The following AVEN variants were observed in gnomAD, a reference collection of about 807,000 sequenced individuals.
AVEN encodes the protein cell death regulator Aven.
Under a neutral mutation model 38.1 loss-of-function variants are expected in AVEN, and 41 were observed. The ratio of observed to expected loss-of-function variants is 1.08; its 90% CI spans 0.84 to 1.40. AVEN has a LOEUF of 1.40. Among genes scored for constraint, AVEN ranks in the 40% most tolerant of loss-of-function variants. The pLI, the probability that AVEN is intolerant of heterozygous loss-of-function variation, is 0.00. For missense variants in AVEN, 605 were observed against 438.8 expected (o/e 1.38, Z -3.38); for synonymous variants, 206 against 171.8 (o/e 1.20, Z -1.56).
At chr15:33,860,998 A>C in intron 11 of AVEN, 1 of 1,105,762 alleles carries the variant, frequency 9.0e-7, no homozygotes, top group East Asian at 2.6e-5. Flanking sequence ...ATTATCCTTC[A>C]ATTCGATAGA....
chr15:34,040,861 A>G (rs1439957233), upstream of AVEN, among the ~76,000 whole-genome samples: 3 of 151,340 alleles, frequency 2.0e-5, no homozygotes, highest in Admixed American at 6.6e-5. Flanking sequence ...GGCTGTAGTG[A>G]GCTGTGATTG....
chr15:33,900,050 A>G (rs117930385), intron 2 of AVEN, among the ~76,000 whole-genome samples: 4,966 of 152,178 alleles, frequency 0.033, 160 homozygotes, highest in Non-Finnish European at 0.039. Context: ...CAAGGTCACA[A>G]TTATCGCATG....
At chr15:34,029,420 C>T (rs1330381252) in intron 1 of AVEN, among the ~76,000 whole-genome samples, 3 of 150,708 alleles carry the variant, frequency 2.0e-5, no homozygotes, top group African/African-American at 7.3e-5. Flanking sequence ...GTGGCTCATG[C>T]CTGTAATCCC....
chr15:33,932,027 A>G (rs963949211), intron 2 of AVEN, among the ~76,000 whole-genome samples: 1 of 152,208 alleles, frequency 6.6e-6, no homozygotes, highest in African/African-American at 2.4e-5. Context: ...CCAGCATTCT[A>G]TAAGGCTGGT....
exon 12 of AVEN, chr15:33,858,978 CT>C (rs1421781080): frequency 6.5e-6 from 1 of 152,690 alleles, no homozygotes; most frequent in Admixed American, 6.5e-5. Flanking sequence ...CAGGCTGCCC[CT>C]GGCTTTTGAT....
chr15:33,910,714 G>C (rs1002339190), intron 2 of AVEN, among the ~76,000 whole-genome samples: 1 of 152,174 alleles, frequency 6.6e-6, no homozygotes, highest in African/African-American at 2.4e-5. Flanking sequence ...GGAATAACAG[G>C]AACATTCTGC....
chr15:33,950,622 G>C (rs1462599619), intron 2 of AVEN, among the ~76,000 whole-genome samples: 1 of 152,090 alleles, frequency 6.6e-6, no homozygotes, highest in Non-Finnish European at 1.5e-5. Context: ...AGCACCAAAG[G>C]CTTTATAAAG....
At chr15:33,954,746 T>C (rs1241836195) in intron 2 of AVEN, among the ~76,000 whole-genome samples, 1 of 152,152 alleles carries the variant, frequency 6.6e-6, no homozygotes, top group Non-Finnish European at 1.5e-5. Context: ...GGCACATGTA[T>C]ACATATGTAA....
intron 2 of AVEN, among the ~76,000 whole-genome samples, chr15:33,982,463 A>G (rs1896194739): frequency 6.6e-6 from 1 of 152,200 alleles, no homozygotes; most frequent in South Asian, 2.1e-4. Flanking sequence ...CTACTAAAAT[A>G]TTTTCTGGAG....
At chr15:33,935,348 AAT>A (rs1462682955) in intron 2 of AVEN, among the ~76,000 whole-genome samples, 1 of 152,202 alleles carries the variant, frequency 6.6e-6, no homozygotes, top group East Asian at 1.9e-4. Context: ...CAATTATTGC[AAT>A]AGTCCCAAAC....
exon 1 of AVEN, among the ~76,000 whole-genome samples, chr15:34,074,806 CATA>C (rs1027931636): frequency 6.6e-6 from 1 of 152,106 alleles, no homozygotes; most frequent in African/African-American, 2.4e-5. Context: ...CAATTCAATC[CATA>C]ATAATAACCA....
At chr15:33,875,220 G>C (rs1369090080) in intron 3 of AVEN, among the ~76,000 whole-genome samples, 1 of 152,154 alleles carries the variant, frequency 6.6e-6, no homozygotes, top group Non-Finnish European at 1.5e-5. Context: ...TCTGAAGCTG[G>C]GGGCAGATGG....
At chr15:33,943,662 T>C (rs1274721930) in intron 2 of AVEN, among the ~76,000 whole-genome samples, 10 of 151,666 alleles carry the variant, frequency 6.6e-5, no homozygotes, top group Admixed American at 6.6e-4. Context: ...ATGGTGAAAC[T>C]AAAATACAAA....
At chr15:33,933,804 C>T (rs1317519736) in intron 2 of AVEN, among the ~76,000 whole-genome samples, 1 of 151,958 alleles carries the variant, frequency 6.6e-6, no homozygotes, top group Non-Finnish European at 1.5e-5. Flanking sequence ...GCTAAAAATA[C>T]AAAAATTAGC....
chr15:34,012,341 A>G (rs1408959992), intron 1 of AVEN, among the ~76,000 whole-genome samples: 2 of 152,212 alleles, frequency 1.3e-5, no homozygotes, highest in Non-Finnish European at 2.9e-5. Context: ...CCTTTGTTAA[A>G]TCATATGATT....
rs372221789 is a variant in AVEN, at chr15:33,867,502, C to G, written c.966G>C (p.Glu322Asp). The G allele has an allele frequency of 5.2e-5, 82 of 1,573,654 alleles. No individual in the cohort carries two copies. Among genetic ancestry groups the G allele is most frequent in the Non-Finnish European group, 6.9e-5 (80 of 1,163,978 alleles). ...KSKEDGEVVQEEEVCAKPSVT... is the reference protein window; with the variant it reads ...KSKEDGEVVQDEEVCAKPSVT... Reference sequence around the variant, plus strand: ...ATAAAATGAAAGCCATACCTTCTTCCTCTTGGACCACCTCCCCATCTTCCT... The same window carrying G: ...ATAAAATGAAAGCCATACCTTCTTCGTCTTGGACCACCTCCCCATCTTCCT... The change falls in exon 5 of 6, where the codon GAG (glutamate) becomes GAC (aspartate). Residue 322 changes from glutamate (E) to aspartate (D), a missense_variant. Glu to Asp is a conservative substitution (Grantham distance 45). Transcript: ENST00000306730.
chr15:33,964,870 C>T (rs1197028979), intron 2 of AVEN, among the ~76,000 whole-genome samples: 4 of 152,210 alleles, frequency 2.6e-5, no homozygotes, highest in East Asian at 1.9e-4. Flanking sequence ...GCTGGAGAGA[C>T]GCCACTCTTT....
intron 2 of AVEN, among the ~76,000 whole-genome samples, chr15:33,952,441 G>T (rs1208274625): frequency 1.3e-5 from 2 of 152,090 alleles, no homozygotes; most frequent in Non-Finnish European, 2.9e-5. Flanking sequence ...CAGGAAATGA[G>T]AAATTAAGTC....
chr15:33,963,692 G>A (rs1358126395), intron 2 of AVEN, among the ~76,000 whole-genome samples: 1 of 151,606 alleles, frequency 6.6e-6, no homozygotes, highest in Non-Finnish European at 1.5e-5. Flanking sequence ...AGCTACTCAG[G>A]AGGCTGAAGC....
Sources: allele counts gnomAD v4.1 joint callset (sites outside exome capture counted in the v4.1 genomes callset), GRCh38; gene constraint gnomAD v4.1.1; transcripts MANE v1.5; gene names NCBI Gene and HGNC (gene_info 2026-07-23, HGNC 2026-07-21).